The following B4GALT2 variants were observed in gnomAD, a reference collection of about 807,000 sequenced individuals.
The protein encoded by B4GALT2 is beta-1,4-galactosyltransferase 2.
A neutral mutation model predicts 33.2 loss-of-function variants in B4GALT2; 18 were observed. That is an observed-to-expected ratio of 0.54 (90% CI 0.38 to 0.80). The LOEUF (loss-of-function observed/expected upper bound fraction) is 0.80. Among genes scored for constraint, B4GALT2 ranks in the 30% least tolerant of loss-of-function variants. B4GALT2 has a pLI of 0.00. For missense variants in B4GALT2, 404 were observed against 526.2 expected, an observed-to-expected ratio of 0.77 and a Z score of 2.27; for synonymous variants, 214 against 217.6, an observed-to-expected ratio of 0.98 and a Z score of 0.15.
At chr1:43,985,166 C>T (rs577739406) in intron 4 of B4GALT2, 111 bp downstream of exon 4, 70 of 1,561,590 alleles carry the variant, frequency 4.5e-5, no homozygotes, top group South Asian at 1.8e-4. Flanking sequence ...ACCCCACTGG[C>T]GAGGCTGGAT....
chr1:43,980,499 G>A, intron 1 of B4GALT2: 2 of 991,698 alleles, frequency 2.0e-6, no homozygotes, highest in Non-Finnish European at 2.4e-6. Flanking sequence ...CAACTTCCCA[G>A]CCTGGTCCCA....
intron 6 of B4GALT2, among the ~76,000 whole-genome samples, chr1:43,988,711 G>A (rs868356302): frequency 1.4e-4 from 22 of 152,044 alleles, no homozygotes; most frequent in Middle Eastern, 3.4e-3. Flanking sequence ...GCCGGACGTG[G>A]TGGTGTGCAC....
Position 43,981,768 on chromosome 1 carries a change from C to T in B4GALT2, c.393C>T (p.Gly131=), listed in dbSNP as rs767798344. 1.3e-5 allele frequency: 21 copies of T among 1,613,446 alleles called. No homozygotes were observed. Among genetic ancestry groups the T allele is most frequent in the African/African-American group, 4.0e-5 (3 of 74,896 alleles). The change falls in exon 3 of 7, where the codon GGC becomes GGT. Residue 131 remains glycine (G), a synonymous_variant. Coordinates refer to ENST00000372324, the MANE Select transcript of B4GALT2 (RefSeq NM_003780.5). The surrounding 1 kb of genome is among the most constrained non-coding windows in gnomAD (Gnocchi z 8.1). ...VQRENPGVLM[G]GRYTPPDCTP... ...GGGAGAACCCAGGCGTGCTCATGGGCGGCCGATACACACCGCCCGACTGCA... is the reference window on the plus strand; with the variant it reads ...GGGAGAACCCAGGCGTGCTCATGGGTGGCCGATACACACCGCCCGACTGCA...
intron 1 of B4GALT2, chr1:43,980,472 C>T: frequency 1.2e-6 from 1 of 863,980 alleles, no homozygotes; most frequent in Non-Finnish European, 1.4e-6. Context: ...GTATTTGGGC[C>T]CCCCGGATGC....
rs537134846 is a variant in B4GALT2, at chr1:43,990,474, C to T, written c.*26C>T. 64 of 1,613,348 alleles carry T rather than the reference C, an allele frequency of 4.0e-5. No individual in the cohort carries two copies. The African/African-American group carries it at 7.9e-4, about 20-fold the overall frequency. On this transcript the variant is annotated 3_prime_UTR_variant, in exon 7 of 7. Coordinates refer to ENST00000372324, the MANE Select transcript of B4GALT2 (RefSeq NM_003780.5). Reference sequence around the variant, plus strand: ...CACTAATGGACAGAGGCTCTCGGTGCCGAAGATTGCCTGCCAGAGGACTGA... The same window carrying T: ...CACTAATGGACAGAGGCTCTCGGTGTCGAAGATTGCCTGCCAGAGGACTGA...
At chr1:43,980,688 G>A (rs1164005651) in intron 1 of B4GALT2, 4 of 755,948 alleles carry the variant, frequency 5.3e-6, no homozygotes, top group African/African-American at 1.9e-5. Flanking sequence ...TGCCATGTGA[G>A]GTGTCTGTTC....
rs1356236142 is a variant in B4GALT2, at chr1:43,985,409, G to A, written c.863+9G>A. The A allele has an allele frequency of 6.6e-7, 1 of 1,510,330 alleles. No homozygotes were observed. The highest frequency in any genetic ancestry group is 1.4e-5 in the African/African-American group (1 of 69,636). 93.6% of individuals were successfully genotyped at this position (1,510,330 alleles called of 1,614,324 possible). A position where few individuals can be genotyped will look rare whatever the true frequency, so the allele number is the denominator to read the frequency against. ...GATGACATCTTCAACCGGTGAGTAA[G>A]CACGCGGTGGGGAATAGGCTGGGTG... On this transcript the variant is annotated intron_variant, in intron 5 of 6. Coordinates refer to ENST00000372324, the MANE Select transcript of B4GALT2 (RefSeq NM_003780.5).
Position 43,979,956 on chromosome 1 carries a change from A to G in B4GALT2, c.-53+445A>G. On this transcript the variant is annotated intron_variant, in intron 1 of 6. Coordinates refer to ENST00000372324, the MANE Select transcript of B4GALT2 (RefSeq NM_003780.5). The surrounding 1 kb of genome is among the most constrained non-coding windows in gnomAD (Gnocchi z 4.8). ...GACCCAGAACCCCTGCGCCGGAGGG[A>G]GGGTGGGAATGTCTGCACGTGGGTC... The G allele has an allele frequency of 6.6e-7, 1 of 1,523,546 alleles. No homozygotes were observed. Among genetic ancestry groups the G allele is most frequent in the Non-Finnish European group, 8.8e-7 (1 of 1,139,598 alleles). 94.4% of individuals were successfully genotyped at this position (1,523,546 alleles called of 1,614,324 possible). A position where few individuals can be genotyped will look rare whatever the true frequency, so the allele number is the denominator to read the frequency against.
rs1196034743 is a variant in B4GALT2 at position 43,983,091 on chromosome 1, G to T, written c.549+1167G>T. ...GGGACACAGGAGCTGGGCCAGCTCT[G>T]GGGGAGTGTGACTCTGAATCCTTTC... is the stretch of plus-strand genomic sequence containing the variant. On this transcript the variant is annotated intron_variant, in intron 3 of 6. Coordinates refer to ENST00000372324, the MANE Select transcript of B4GALT2 (RefSeq NM_003780.5). 2.6e-5 allele frequency among the ~76,000 whole-genome samples: 4 copies of T among 152,306 alleles called. No individual in the cohort carries two copies. In the South Asian group the frequency reaches 6.2e-4, roughly 24 times the overall value.
chr1:43,988,846 CAAAAAAA>C, intron 6 of B4GALT2, among the ~76,000 whole-genome samples: 1 of 95,306 alleles, frequency 1.0e-5, no homozygotes, highest in African/African-American at 4.4e-5. Context: ...GACTCTGTCT[CAAAAAAA>C]AAAAAAAAAA....
intron 6 of B4GALT2, chr1:43,986,063 G>C (rs1353048573): frequency 3.8e-5 from 7 of 186,328 alleles, no homozygotes; most frequent in Non-Finnish European, 7.9e-5. Context: ...AGTATGGGAA[G>C]GGGGTGTGGA....
rs772994420 is a variant in B4GALT2 at position 43,985,439 on chromosome 1, G to T, written c.863+39G>T. On this transcript the variant is annotated intron_variant, in intron 5 of 6. Coordinates refer to ENST00000372324, the MANE Select transcript of B4GALT2 (RefSeq NM_003780.5). The stretch of plus-strand genomic sequence containing the variant: ...CGGTGGGGAATAGGCTGGGTGGGGG[G>T]GGGAGGGGGGGTGCAGACTGGGTGG... The T allele has an allele frequency of 2.4e-4, 146 of 612,894 alleles. 7 individuals are homozygous for T. Among genetic ancestry groups the T allele is most frequent in the Non-Finnish European group, 3.8e-4 (136 of 358,984 alleles). 38.0% of individuals were successfully genotyped at this position (612,894 alleles called of 1,614,324 possible). A position where few individuals can be genotyped will look rare whatever the true frequency, so the allele number is the denominator to read the frequency against.
chr1:43,981,550 C>G lies in B4GALT2; in HGVS notation c.313+77C>G. ...TGACTAGAGAAATGGCATCTGGACC[C>G]AGGGGTGTGCCAGGGGTCCAGGTCT... On this transcript the variant is annotated intron_variant, in intron 2 of 6. Transcript: ENST00000372324. This position sits in a 1 kb window ranked among gnomAD's most constrained non-coding sequence, Gnocchi z 8.1. 1.3e-6 allele frequency: 2 copies of G among 1,520,430 alleles called. No individual in the cohort carries two copies. Among genetic ancestry groups the G allele is most frequent in the Admixed American group, 4.2e-5 (2 of 48,046 alleles). 94.2% of individuals were successfully genotyped at this position (1,520,430 alleles called of 1,614,324 possible). A position where few individuals can be genotyped will look rare whatever the true frequency, so the allele number is the denominator to read the frequency against.
At chr1:43,989,552 C>T (rs2085699479) in intron 6 of B4GALT2, among the ~76,000 whole-genome samples, 1 of 152,264 alleles carries the variant, frequency 6.6e-6, no homozygotes, top group South Asian at 2.1e-4. Flanking sequence ...GGAGGGGGTC[C>T]TGACATATGC....
At position 43,985,415 on chromosome 1, in the gene B4GALT2, G is replaced by A. The variant is rs779981488; in HGVS notation, c.863+15G>A. 8 of 1,542,362 alleles carry A rather than the reference G, an allele frequency of 5.2e-6. No individual in the cohort carries two copies. The highest frequency in any genetic ancestry group is 2.3e-5 in the East Asian group (1 of 43,036). On this transcript the variant is annotated intron_variant, in intron 5 of 6. Coordinates refer to ENST00000372324, the MANE Select transcript of B4GALT2 (RefSeq NM_003780.5). Reference sequence around the variant, plus strand: ...ATCTTCAACCGGTGAGTAAGCACGCGGTGGGGAATAGGCTGGGTGGGGGGG... The same window carrying A: ...ATCTTCAACCGGTGAGTAAGCACGCAGTGGGGAATAGGCTGGGTGGGGGGG...
In B4GALT2 at chr1:43,979,866, G is replaced by A; in HGVS notation, c.-53+355G>A. ...CCCGGTCTGTGCGGCCTGCCCGTCC[G>A]CGGGTGCCACGTGTTCAGCCTGCCA... On this transcript the variant is annotated intron_variant, in intron 1 of 6. Coordinates refer to ENST00000372324, the MANE Select transcript of B4GALT2 (RefSeq NM_003780.5). The surrounding 1 kb of genome is among the most constrained non-coding windows in gnomAD (Gnocchi z 4.8). The A allele has an allele frequency of 3.6e-6, 3 of 833,102 alleles. No homozygotes were observed. The highest frequency in any genetic ancestry group is 3.0e-5 in the East Asian group (1 of 33,824). 51.6% of individuals were successfully genotyped at this position (833,102 alleles called of 1,614,324 possible). A position where few individuals can be genotyped will look rare whatever the true frequency, so the allele number is the denominator to read the frequency against.
intron 6 of B4GALT2, among the ~76,000 whole-genome samples, chr1:43,989,144 C>A (rs1249334993): frequency 6.6e-6 from 1 of 151,972 alleles, no homozygotes; most frequent in Non-Finnish European, 1.5e-5. Context: ...GTTAGGAGTT[C>A]GAGACCAGCC....
Position 43,981,583 on chromosome 1 carries a change from G to A in B4GALT2, c.314-106G>A. On this transcript the variant is annotated intron_variant, in intron 2 of 6. Transcript: ENST00000372324. This position sits in a 1 kb window ranked among gnomAD's most constrained non-coding sequence, Gnocchi z 8.1. Reference sequence around the variant, plus strand: ...TGCCAGGGGTCCAGGTCTGTTGTAAGAGGGCTATTCTTGGGGTTCCCTAGC... The same window carrying A: ...TGCCAGGGGTCCAGGTCTGTTGTAAAAGGGCTATTCTTGGGGTTCCCTAGC... The A allele has an allele frequency of 1.3e-6, 2 of 1,530,758 alleles. No individual in the cohort carries two copies. The highest frequency in any genetic ancestry group is 1.8e-4 in the Middle Eastern group (1 of 5,548). The allele number at this position is 1,530,758 out of a possible 1,614,324, so 94.8% of individuals were successfully genotyped here. A position where few individuals can be genotyped will look rare whatever the true frequency, so the allele number is the denominator to read the frequency against.
chr1:43,986,895 T>C (rs1282816376), intron 6 of B4GALT2, among the ~76,000 whole-genome samples: 2 of 152,062 alleles, frequency 1.3e-5, no homozygotes. Flanking sequence ...CAAGGGAGCA[T>C]AGTGGTACAG....
Sources: gnomAD v4.1 joint callset for allele counts (sites outside exome capture counted in the v4.1 genomes callset) on GRCh38, gnomAD v4.1.1 for gene constraint, Gnocchi (gnomAD v3.1) non-coding constraint, MANE v1.5 for transcripts, NCBI Gene and HGNC (gene_info 2026-07-23, HGNC 2026-07-21) for gene names.